Variants in BIN2 observed in about 807,000 individuals in gnomAD.
The protein encoded by BIN2 is breast cancer associated protein BRAP1.
In BIN2, 43 loss-of-function variants were observed where a neutral mutation model predicts 67.9. The ratio of observed to expected loss-of-function variants is 0.63; its 90% CI spans 0.50 to 0.82. BIN2 has a LOEUF of 0.82. Ranked by LOEUF, BIN2 falls within the 40% of genes least tolerant of loss-of-function variation. BIN2 has a pLI of 0.00. For missense variants in BIN2, 581 were observed against 671.6 expected (o/e 0.87, Z 1.49); for synonymous variants, 244 against 246.8 (o/e 0.99, Z 0.11).
At chr12:51,305,826 CTTTTT>C (rs1168899685) in intron 2 of BIN2, among the ~76,000 whole-genome samples, 15 of 82,430 alleles carry the variant, frequency 1.8e-4, no homozygotes, top group Non-Finnish European at 2.7e-4. Flanking sequence ...TGTTTTCTTT[CTTTTT>C]TTTTTTTTTT....
intron 4 of BIN2, 144 bp downstream of exon 4, chr12:51,302,542 C>T: frequency 1.4e-6 from 1 of 706,858 alleles, no homozygotes; most frequent in Non-Finnish European, 2.4e-6. Flanking sequence ...CTTCTTCCTA[C>T]CACCCAGTGA....
At chr12:51,314,817 G>T (rs907182543) in intron 1 of BIN2, among the ~76,000 whole-genome samples, 14 of 151,094 alleles carry the variant, frequency 9.3e-5, no homozygotes, top group Middle Eastern at 3.4e-3. Context: ...AAAAAAGAAA[G>T]AAATAAGGTA....
intron 5 of BIN2, among the ~76,000 whole-genome samples, chr12:51,300,936 T>C (rs1490357088): frequency 1.3e-5 from 2 of 152,166 alleles, no homozygotes; most frequent in Non-Finnish European, 1.5e-5. Context: ...TAATAAATAC[T>C]AGAGCCGGGT....
intron 1 of BIN2, 89 bp downstream of exon 1, chr12:51,323,933 G>C: frequency 6.5e-7 from 1 of 1,534,752 alleles, no homozygotes; most frequent in Non-Finnish European, 8.8e-7. Context: ...GGGCCCCTGA[G>C]CACCCTGCCC....
intron 11 of BIN2, among the ~76,000 whole-genome samples, chr12:51,286,634 T>G (rs1486540525): frequency 6.6e-6 from 1 of 152,184 alleles, no homozygotes; most frequent in Non-Finnish European, 1.5e-5. Context: ...CATTATAAAA[T>G]CAAATTGAAA....
Position 51,297,081 on chromosome 12 carries a change from C to T in BIN2, c.678+8G>A, listed in dbSNP as rs111723252. ...CCTAGGAGCCTCAATTGGCCAGACA[C>T]CTCTCACCTTGCTCATTTCCCTGTA... On this transcript the variant is annotated splice_region_variant and intron_variant, in intron 8 of 12. Coordinates refer to ENST00000615107, the MANE Select transcript of BIN2 (RefSeq NM_016293.4). 278 of 1,612,180 alleles carry T rather than the reference C, an allele frequency of 1.7e-4. 1 individual carries two copies. The African/African-American group carries it at 3.1e-3, about 18-fold the overall frequency.
chr12:51,305,328 A>T (rs1284424967), intron 2 of BIN2, among the ~76,000 whole-genome samples: 1 of 150,112 alleles, frequency 6.7e-6, no homozygotes, highest in Non-Finnish European at 1.5e-5. Context: ...AAATAAAAAT[A>T]AAAAATTATG....
intron 9 of BIN2, among the ~76,000 whole-genome samples, chr12:51,292,759 C>A (rs1268372653): frequency 6.6e-6 from 1 of 152,154 alleles, no homozygotes; most frequent in Non-Finnish European, 1.5e-5. Flanking sequence ...AGTTGCCTGG[C>A]ACGCACTTTC....
At chr12:51,295,938 C>T (rs890915293) in intron 8 of BIN2, 60 bp from the exon 9 acceptor site, 42 of 1,341,418 alleles carry the variant, frequency 3.1e-5, no homozygotes, top group Non-Finnish European at 4.4e-5. Context: ...GTGGCATATC[C>T]CTTCTCCCCT....
chr12:51,319,982 C>CCT (rs1198132998), intron 1 of BIN2, among the ~76,000 whole-genome samples: 1 of 151,248 alleles, frequency 6.6e-6, no homozygotes, highest in Non-Finnish European at 1.5e-5. Flanking sequence ...TCCTTTTCTC[C>CCT]CTCTCTTTCT....
intron 6 of BIN2, 54 bp from the exon 7 acceptor site, chr12:51,299,342 A>C: frequency 6.6e-7 from 1 of 1,511,120 alleles, no homozygotes; most frequent in Non-Finnish European, 9.2e-7. Context: ...CCAGTACTAC[A>C]GCATGCCTCC....
At chr12:51,324,211 C>A (rs1946372816), upstream of BIN2, 1 of 1,497,694 alleles carries the variant, frequency 6.7e-7, no homozygotes, top group Non-Finnish European at 8.9e-7. Flanking sequence ...GGCCCCAGCC[C>A]TGAGCCACCT....
At chr12:51,302,312 C>T (rs1184022881) in intron 4 of BIN2, 197 bp from the exon 5 acceptor site, 1 of 561,936 alleles carries the variant, frequency 1.8e-6, no homozygotes, top group African/African-American at 1.9e-5. Flanking sequence ...GGAGTCTGAA[C>T]ATACATTCAG....
At chr12:51,319,568 A>C in intron 1 of BIN2, among the ~76,000 whole-genome samples, 1 of 152,356 alleles carries the variant, frequency 6.6e-6, no homozygotes, top group East Asian at 1.9e-4. Flanking sequence ...CTGCTTTGAG[A>C]ATTCTGTCCC....
At chr12:51,307,266 G>T (rs1332954994) in intron 2 of BIN2, among the ~76,000 whole-genome samples, 1 of 137,490 alleles carries the variant, frequency 7.3e-6, no homozygotes, top group Non-Finnish European at 1.5e-5. Flanking sequence ...CTGGGCGACA[G>T]AGTGAGACTC....
intron 5 of BIN2, among the ~76,000 whole-genome samples, chr12:51,301,179 T>C (rs1945711965): frequency 1.3e-5 from 2 of 151,624 alleles, no homozygotes; most frequent in Non-Finnish European, 2.9e-5. Context: ...GACTGCGCCA[T>C]TGCACTCCAC....
chr12:51,302,950 C>T, intron 3 of BIN2, 137 bp downstream of exon 3: 2 of 1,182,212 alleles, frequency 1.7e-6, no homozygotes, highest in Non-Finnish European at 2.5e-6. Context: ...TCTTCCTCAG[C>T]CCACAAAATT....
intron 9 of BIN2, 94 bp from the exon 10 acceptor site, chr12:51,292,438 A>G: frequency 7.6e-7 from 1 of 1,320,358 alleles, no homozygotes; most frequent in Admixed American, 2.7e-5. Context: ...AAAAAAGAAT[A>G]AAGCAATTTA....
intron 1 of BIN2, among the ~76,000 whole-genome samples, chr12:51,319,265 G>T (rs2137447175): frequency 6.6e-6 from 1 of 152,298 alleles, no homozygotes; most frequent in East Asian, 1.9e-4. Flanking sequence ...AGAGTGTGGG[G>T]TCGGGGGTTG....
Sources: gnomAD v4.1 joint callset for allele counts (sites outside exome capture counted in the v4.1 genomes callset) on GRCh38, gnomAD v4.1.1 for gene constraint, MANE v1.5 for transcripts, NCBI Gene and HGNC (gene_info 2026-07-23, HGNC 2026-07-21) for gene names.